TLK2: variants seen among roughly 807,000 people sequenced by gnomAD.
The protein encoded by TLK2 is tousled like kinase 2, also known as serine/threonine-protein kinase tousled-like 2.
In TLK2, 6 loss-of-function variants were observed where a neutral mutation model predicts 117.3. The ratio of observed to expected loss-of-function variants is 0.05; its 90% CI spans 0.03 to 0.10. The LOEUF (loss-of-function observed/expected upper bound fraction) is 0.10. TLK2 is among the 10% of genes least tolerant of loss of function. TLK2 has a pLI of 1.00. For missense variants in TLK2, 299 were observed against 901.2 expected, an observed-to-expected ratio of 0.33 and a Z score of 8.56; for synonymous variants, 257 against 316.7, an observed-to-expected ratio of 0.81 and a Z score of 2.00.
intron 2 of TLK2, among the ~76,000 whole-genome samples, chr17:62,513,225 T>TTTTG (rs529334528): frequency 6.6e-6 from 1 of 151,592 alleles, no homozygotes; most frequent in Non-Finnish European, 1.5e-5. Context: ...TTTTGTTTTG[T>TTTTG]TTTGTTTGTT....
At chr17:62,512,908 C>T (rs541207092) in intron 2 of TLK2, among the ~76,000 whole-genome samples, 6 of 132,678 alleles carry the variant, frequency 4.5e-5, no homozygotes, top group African/African-American at 1.1e-4. Flanking sequence ...GACGAAGTTT[C>T]GCTCTCGTTG....
chr17:62,484,653 A>C (rs1403522371), intron 2 of TLK2, among the ~76,000 whole-genome samples: 1 of 152,066 alleles, frequency 6.6e-6, no homozygotes, highest in Non-Finnish European at 1.5e-5. Flanking sequence ...ATTGATTTGA[A>C]ATGGGGGTGT....
chr17:62,497,023 C>T (rs959300557), intron 2 of TLK2, among the ~76,000 whole-genome samples: 6 of 151,312 alleles, frequency 4.0e-5, no homozygotes, highest in African/African-American at 1.2e-4. Context: ...TTTGGGTGGC[C>T]GAGGCAAGAG....
At chr17:62,483,877 G>A (rs1445930957) in intron 2 of TLK2, among the ~76,000 whole-genome samples, 2 of 152,004 alleles carry the variant, frequency 1.3e-5, no homozygotes, top group Non-Finnish European at 2.9e-5. Flanking sequence ...CCAGGCTGGA[G>A]TGCAGTAGCA....
intron 7 of TLK2, among the ~76,000 whole-genome samples, chr17:62,544,244 A>G (rs1038996881): frequency 2.0e-5 from 3 of 152,220 alleles, no homozygotes; most frequent in African/African-American, 7.2e-5. Flanking sequence ...TGGGTAATTT[A>G]TGAAGAAAAG....
At chr17:62,606,921 G>C (rs2083344767) in intron 20 of TLK2, among the ~76,000 whole-genome samples, 1 of 151,538 alleles carries the variant, frequency 6.6e-6, no homozygotes, top group Non-Finnish European at 1.5e-5. Flanking sequence ...TGGGAGTTCT[G>C]TGTGTCCTTT....
intron 11 of TLK2, among the ~76,000 whole-genome samples, chr17:62,571,258 G>A (rs1429429627): frequency 6.6e-6 from 1 of 152,094 alleles, no homozygotes; most frequent in Non-Finnish European, 1.5e-5. Flanking sequence ...AAAATCTGTA[G>A]TATTTGCACA....
intron 13 of TLK2, among the ~76,000 whole-genome samples, chr17:62,577,410 A>G (rs2080890172): frequency 6.6e-6 from 1 of 152,166 alleles, no homozygotes; most frequent in Admixed American, 6.5e-5. Context: ...ACAAGAGCAG[A>G]TGGTTTTGAA....
At chr17:62,503,728 C>T (rs1299407381) in intron 2 of TLK2, among the ~76,000 whole-genome samples, 1 of 126,748 alleles carries the variant, frequency 7.9e-6, no homozygotes. Flanking sequence ...CTAGTTATAT[C>T]TTTTTTTTTT....
Position 62,596,575 on chromosome 17 carries a change from T to C in TLK2, c.1461-10T>C. On this transcript the variant is annotated splice_polypyrimidine_tract_variant and intron_variant, in intron 16 of 21. Transcript: ENST00000346027. ...TATACCTTCTTGTTAATTTTCCCTT[T>C]TGTTTACAGGCATGCATGTAGGGAA... 6.2e-7 allele frequency: 1 copy of C among 1,611,682 alleles called. No individual in the cohort carries two copies. The highest frequency in any genetic ancestry group is 1.3e-5 in the African/African-American group (1 of 75,004).
chr17:62,565,238 A>G (rs920923333), intron 11 of TLK2, 101 bp downstream of exon 11: 1 of 1,435,612 alleles, frequency 7.0e-7, no homozygotes, highest in Non-Finnish European at 9.3e-7. Flanking sequence ...ATTGGTAGTC[A>G]TCTTTTCAGT....
In TLK2 at chr17:62,615,234, A is replaced by G. The variant is rs1426798570; in HGVS notation, c.*2669A>G. The G allele has an allele frequency of 1.3e-5, 2 of 152,186 alleles. No homozygotes were observed. Among genetic ancestry groups the G allele is most frequent in the East Asian group, 1.9e-4 (1 of 5,194 alleles). 9.4% of individuals were successfully genotyped at this position (152,186 alleles called of 1,614,324 possible). On this transcript the variant is annotated 3_prime_UTR_variant, in exon 22 of 22. Coordinates refer to ENST00000346027, the MANE Select transcript of TLK2 (RefSeq NM_006852.6). Reference sequence around the variant, plus strand: ...ACAAGCCCCAGAGAACATGCAGAACATTGACCTTTCCATTGACTGTCTTTC... The same window carrying G: ...ACAAGCCCCAGAGAACATGCAGAACGTTGACCTTTCCATTGACTGTCTTTC...
At chr17:62,500,951 T>C (rs560442745) in intron 2 of TLK2, among the ~76,000 whole-genome samples, 131 of 152,216 alleles carry the variant, frequency 8.6e-4, no homozygotes, top group Non-Finnish European at 1.5e-3. Flanking sequence ...CTAGAAAATA[T>C]TTGTGAGCCG....
At chr17:62,583,045 C>G (rs774263564) in intron 15 of TLK2, among the ~76,000 whole-genome samples, 1 of 152,118 alleles carries the variant, frequency 6.6e-6, no homozygotes, top group Non-Finnish European at 1.5e-5. Flanking sequence ...TGGGTTGCTT[C>G]CATCTCTCGC....
At chr17:62,604,327 T>G (rs377321629) in intron 19 of TLK2, among the ~76,000 whole-genome samples, 2 of 152,052 alleles carry the variant, frequency 1.3e-5, no homozygotes, top group South Asian at 4.1e-4. Flanking sequence ...TTTAAAGAAG[T>G]GACCCATAGA....
At chr17:62,585,097 A>G (rs1181615475) in intron 15 of TLK2, among the ~76,000 whole-genome samples, 1 of 152,224 alleles carries the variant, frequency 6.6e-6, no homozygotes, top group East Asian at 1.9e-4. Flanking sequence ...TCAAAAATCC[A>G]TGTTACCTTT....
At chr17:62,553,455 G>A (rs940148363) in intron 8 of TLK2, 2 of 532,388 alleles carry the variant, frequency 3.8e-6, no homozygotes, top group Non-Finnish European at 6.8e-6. Flanking sequence ...TGTTTGAAGT[G>A]TAGGTGTAGT....
chr17:62,502,029 A>ATT (rs371212708), intron 2 of TLK2, among the ~76,000 whole-genome samples: 54 of 137,456 alleles, frequency 3.9e-4, no homozygotes, highest in Non-Finnish European at 4.6e-4. Context: ...AAAAATACCA[A>ATT]TTTTTTTTTT....
intron 2 of TLK2, among the ~76,000 whole-genome samples, chr17:62,499,177 C>T (rs1345611992): frequency 6.6e-6 from 1 of 151,864 alleles, no homozygotes. Context: ...CCTGTCTCTA[C>T]TAAAAACATG....
Sources: allele counts gnomAD v4.1 joint callset (sites outside exome capture counted in the v4.1 genomes callset), GRCh38; gene constraint gnomAD v4.1.1; transcripts MANE v1.5; gene names NCBI Gene and HGNC (gene_info 2026-07-23, HGNC 2026-07-21).